FHIT: variants seen among roughly 807,000 people sequenced by gnomAD.
FHIT encodes the protein bis(5'-adenosyl)-triphosphatase.
A neutral mutation model predicts 17.9 loss-of-function variants in FHIT; 19 were observed. That is an observed-to-expected ratio of 1.06 (90% CI 0.74 to 1.56). The LOEUF is 1.56. FHIT is among the 40% of genes most tolerant of loss of function. The pLI, the probability that FHIT is intolerant of heterozygous loss-of-function variation, is 0.00. For synonymous variants in FHIT, 81 were observed against 69.7 expected, an observed-to-expected ratio of 1.16 and a Z score of -0.81; for missense variants, 248 against 189.2, an observed-to-expected ratio of 1.31 and a Z score of -1.82.
chr3:60,130,564 G>A (rs1268469048), intron 5 of FHIT, among the ~76,000 whole-genome samples: 1 of 152,072 alleles, frequency 6.6e-6, no homozygotes, highest in African/African-American at 2.4e-5. Context: ...CAACTGATCT[G>A]TATTTTTATA....
At chr3:60,047,269 G>T (rs532184642) in intron 5 of FHIT, among the ~76,000 whole-genome samples, 1 of 152,282 alleles carries the variant, frequency 6.6e-6, no homozygotes, top group East Asian at 1.9e-4. Flanking sequence ...TATAATGCTG[G>T]TTCTTTCTGA....
At chr3:61,142,849 A>G (rs2037124503) in intron 2 of FHIT, among the ~76,000 whole-genome samples, 1 of 152,176 alleles carries the variant, frequency 6.6e-6, no homozygotes, top group African/African-American at 2.4e-5. Context: ...GAAGTCTGAC[A>G]CATAGAAAGA....
intron 4 of FHIT, among the ~76,000 whole-genome samples, chr3:60,705,835 G>C (rs2041359108): frequency 6.6e-6 from 1 of 152,144 alleles, no homozygotes; most frequent in Non-Finnish European, 1.5e-5. Context: ...ATCCCAGCAA[G>C]TCCTAGCTGA....
intron 4 of FHIT, among the ~76,000 whole-genome samples, chr3:60,787,176 G>T (rs567437845): frequency 6.6e-6 from 1 of 152,096 alleles, no homozygotes; most frequent in South Asian, 2.1e-4. Flanking sequence ...GGTATAAAGA[G>T]AAATTTTTAT....
chr3:60,830,090 T>C (rs1341737251), intron 3 of FHIT, among the ~76,000 whole-genome samples: 1 of 152,046 alleles, frequency 6.6e-6, no homozygotes, highest in African/African-American at 2.4e-5. Flanking sequence ...CCCCATACCC[T>C]TCTTTTTTTT....
intron 3 of FHIT, among the ~76,000 whole-genome samples, chr3:60,968,278 T>C (rs1383189267): frequency 2.6e-5 from 4 of 152,222 alleles, no homozygotes; most frequent in Non-Finnish European, 1.5e-5. Context: ...AAAACACAGA[T>C]TCTTGCCCAT....
intron 5 of FHIT, among the ~76,000 whole-genome samples, chr3:60,311,504 A>AG (rs1708945246): frequency 2.6e-5 from 4 of 152,220 alleles, no homozygotes; most frequent in African/African-American, 9.6e-5. Flanking sequence ...TTTTCCAAAC[A>AG]CAAGACTGCT....
At chr3:61,051,716 T>A (rs1040188122) in intron 2 of FHIT, among the ~76,000 whole-genome samples, 1 of 152,148 alleles carries the variant, frequency 6.6e-6, no homozygotes, top group Non-Finnish European at 1.5e-5. Flanking sequence ...AAAAGAAATA[T>A]AACACATGCA....
chr3:60,366,436 T>G (rs1212836877), intron 5 of FHIT, among the ~76,000 whole-genome samples: 1 of 152,204 alleles, frequency 6.6e-6, no homozygotes, highest in South Asian at 2.1e-4. Context: ...GCTAACCCCT[T>G]TTCACATGCC....
At chr3:60,715,060 C>T (rs1553706330) in intron 4 of FHIT, among the ~76,000 whole-genome samples, 1 of 152,130 alleles carries the variant, frequency 6.6e-6, no homozygotes, top group South Asian at 2.1e-4. Flanking sequence ...GTAACCAAAA[C>T]AGCATGGTAC....
chr3:60,760,837 G>A (rs1229792875), intron 4 of FHIT, among the ~76,000 whole-genome samples: 1 of 152,130 alleles, frequency 6.6e-6, no homozygotes, highest in East Asian at 1.9e-4. Flanking sequence ...GCAGTTGCTA[G>A]GAATGATCCT....
intron 5 of FHIT, among the ~76,000 whole-genome samples, chr3:60,096,916 T>C (rs1228196232): frequency 6.6e-6 from 1 of 151,604 alleles, no homozygotes; most frequent in Non-Finnish European, 1.5e-5. Flanking sequence ...CACAGTGGCT[T>C]GTGCCTATAA....
chr3:60,080,463 A>G (rs1703228843), intron 5 of FHIT, among the ~76,000 whole-genome samples: 1 of 152,198 alleles, frequency 6.6e-6, no homozygotes. Context: ...AGCCCTACTT[A>G]GCTGCAAGTA....
rs559781837 is a variant in FHIT at position 59,763,801 on chromosome 3, G to A, written c.349-11480C>T. Among the ~76,000 whole-genome samples the A allele has an allele frequency of 9.8e-5, 15 of 152,318 alleles. No homozygotes were observed. The East Asian group carries it at 2.9e-3, about 29-fold the overall frequency. Reference sequence around the variant, plus strand: ...CATCTGTATGGTCTGTGCACTGGCTGAAGGCAAGTGTCTGAAGGCGAGTGA... The same window carrying A: ...CATCTGTATGGTCTGTGCACTGGCTAAAGGCAAGTGTCTGAAGGCGAGTGA... On this transcript the variant is annotated intron_variant, in intron 8 of 9. Coordinates refer to ENST00000492590, the MANE Select transcript of FHIT (RefSeq NM_002012.4).
At chr3:60,717,661 A>T (rs1553707119) in intron 4 of FHIT, among the ~76,000 whole-genome samples, 1 of 152,176 alleles carries the variant, frequency 6.6e-6, no homozygotes, top group Non-Finnish European at 1.5e-5. Context: ...GTTATAGTAG[A>T]ACTTTAAGTG....
intron 8 of FHIT, among the ~76,000 whole-genome samples, chr3:59,873,128 T>C (rs1369510390): frequency 6.6e-6 from 1 of 152,204 alleles, no homozygotes; most frequent in African/African-American, 2.4e-5. Flanking sequence ...CTCCCTGTTT[T>C]ACCTCTGGAT....
chr3:60,439,233 A>G (rs2030571006), intron 5 of FHIT, among the ~76,000 whole-genome samples: 1 of 152,132 alleles, frequency 6.6e-6, no homozygotes, highest in Admixed American at 6.6e-5. Context: ...CAACCAGTCA[A>G]TTCATATTTA....
At chr3:60,618,012 A>C (rs1482903003) in intron 4 of FHIT, 2 of 231,780 alleles carry the variant, frequency 8.6e-6, no homozygotes, top group African/African-American at 4.7e-5. Flanking sequence ...TAACTTGAGG[A>C]CATCAAGCAT....
intron 5 of FHIT, among the ~76,000 whole-genome samples, chr3:60,164,630 G>T (rs1400328242): frequency 6.6e-6 from 1 of 151,830 alleles, no homozygotes; most frequent in East Asian, 1.9e-4. Context: ...AATAAAAGAG[G>T]TGAGAGAGAA....
Sources: allele counts gnomAD v4.1 joint callset (sites outside exome capture counted in the v4.1 genomes callset), GRCh38; gene constraint gnomAD v4.1.1; transcripts MANE v1.5; gene names NCBI Gene and HGNC (gene_info 2026-07-23, HGNC 2026-07-21).